ARID3A: variants seen among roughly 807,000 people sequenced by gnomAD.
The protein encoded by ARID3A is AT-rich interactive domain-containing protein 3A.
A neutral mutation model predicts 52.7 loss-of-function variants in ARID3A; 11 were observed. The observed-to-expected ratio is 0.21, with a 90% CI of 0.13 to 0.35. The LOEUF (loss-of-function observed/expected upper bound fraction) is 0.35. Among genes scored for constraint, ARID3A ranks in the 10% least tolerant of loss-of-function variants. The probability of loss-of-function intolerance (pLI) is 1.00; values close to 1 mark genes in which losing one functional copy is unlikely to be tolerated. For synonymous variants in ARID3A, 404 were observed against 359.4 expected, an observed-to-expected ratio of 1.12 and a Z score of -1.40; for missense variants, 721 against 838.5, an observed-to-expected ratio of 0.86 and a Z score of 1.73.
chr19:936,110 A>T (rs1477435332), intron 3 of ARID3A, among the ~76,000 whole-genome samples: 1 of 152,258 alleles, frequency 6.6e-6, no homozygotes, highest in Non-Finnish European at 1.5e-5. Flanking sequence ...TTTTACACGC[A>T]CAGGCGGTTA....
intron 3 of ARID3A, among the ~76,000 whole-genome samples, chr19:957,504 C>T (rs77505197): frequency 0.033 from 4,955 of 152,296 alleles, 178 homozygotes; most frequent in South Asian, 0.17. Flanking sequence ...CAGCGATTTG[C>T]TGTGTGAACT....
At chr19:962,714 C>T (rs886648703) in intron 4 of ARID3A, among the ~76,000 whole-genome samples, 8 of 152,086 alleles carry the variant, frequency 5.3e-5, no homozygotes, top group African/African-American at 1.9e-4. Context: ...AGGGTTTCTC[C>T]CTATTGGCCA....
rs143175638 is a variant in ARID3A at position 949,864 on chromosome 19, C to T, written c.694-10228C>T. Reference sequence around the variant, plus strand: ...CTAATTTTTGTATTTTTAGTAGAGACGGGGTTTCTCCATGTTGGCCAGGCT... The same window carrying T: ...CTAATTTTTGTATTTTTAGTAGAGATGGGGTTTCTCCATGTTGGCCAGGCT... On this transcript the variant is annotated intron_variant, in intron 3 of 8. Transcript: ENST00000263620. 4.5e-3 allele frequency among the ~76,000 whole-genome samples: 680 copies of T among 151,378 alleles called. 4 individuals carry two copies. The highest frequency in any genetic ancestry group is 0.016 in the African/African-American group (650 of 41,238).
Position 947,425 on chromosome 19 carries a change from G to A in ARID3A, c.694-12667G>A, listed in dbSNP as rs561943136. Among the ~76,000 whole-genome samples, 3 of 152,278 alleles carry A rather than the reference G, an allele frequency of 2.0e-5. No homozygotes were observed. The highest frequency in any genetic ancestry group is 7.2e-5 in the African/African-American group (3 of 41,560). On this transcript the variant is annotated intron_variant, in intron 3 of 8. Coordinates refer to ENST00000263620, the MANE Select transcript of ARID3A (RefSeq NM_005224.3). This position sits in a 1 kb window ranked among gnomAD's most constrained non-coding sequence, Gnocchi z 6.3. ...GCCACATCTCAGCACCAGGCCTGTC[G>A]CTGCCGTCCTGGACTCGTGGGCCTC... is the stretch of plus-strand genomic sequence containing the variant.
chr19:953,364 C>CGGCGCCACCACCCG (rs2037842560), intron 3 of ARID3A, among the ~76,000 whole-genome samples: 2 of 152,002 alleles, frequency 1.3e-5, no homozygotes, highest in African/African-American at 4.8e-5. Flanking sequence ...CCTCCCCCAC[C>CGGCGCCACCACCCG]GGCGCCACCA....
At chr19:968,131 C>A (rs1461516971) in intron 7 of ARID3A, among the ~76,000 whole-genome samples, 1 of 150,716 alleles carries the variant, frequency 6.6e-6, no homozygotes, top group Non-Finnish European at 1.5e-5. Flanking sequence ...GAGGCCGAGG[C>A]GGGTGGATCA....
intron 1 of ARID3A, among the ~76,000 whole-genome samples, chr19:928,005 G>A (rs946054803): frequency 1.6e-4 from 24 of 152,146 alleles, no homozygotes; most frequent in Non-Finnish European, 3.2e-4. Context: ...GGGGAGGCTT[G>A]GGGGTGTCTG....
intron 3 of ARID3A, among the ~76,000 whole-genome samples, chr19:950,264 G>T (rs349304): frequency 0.046 from 325 of 7,018 alleles, 48 homozygotes; most frequent in African/African-American, 0.17. Context: ...GTCCCCAGAG[G>T]GAACGGATGG....
Position 927,936 on chromosome 19 carries a change from G to A in ARID3A, c.-267-1326G>A, listed in dbSNP as rs867014170. The stretch of plus-strand genomic sequence containing the variant: ...TCACCCATGGGGCCGAAAGACTCAG[G>A]GGTCTGGGTAAAGGGTGTCTAGGGC... On this transcript the variant is annotated intron_variant, in intron 1 of 8. Transcript: ENST00000263620. 3.3e-5 allele frequency among the ~76,000 whole-genome samples: 5 copies of A among 150,766 alleles called. No individual in the cohort carries two copies. The South Asian group carries it at 6.3e-4, about 19-fold the overall frequency.
At chr19:965,912 A>C (rs1347782941) in intron 6 of ARID3A, among the ~76,000 whole-genome samples, 1 of 151,420 alleles carries the variant, frequency 6.6e-6, no homozygotes. Flanking sequence ...GAATCGCTTG[A>C]ACCCAGGTGG....
intron 6 of ARID3A, 190 bp downstream of exon 6, chr19:965,270 A>G: frequency 9.1e-6 from 6 of 657,236 alleles, no homozygotes; most frequent in Non-Finnish European, 1.5e-5. Context: ...CCATTTTCTA[A>G]TTCCACACAG....
intron 8 of ARID3A, among the ~76,000 whole-genome samples, chr19:969,250 A>G (rs2038227777): frequency 6.6e-6 from 1 of 152,084 alleles, no homozygotes; most frequent in Admixed American, 6.6e-5. Flanking sequence ...AAAAAATTGA[A>G]TCTAGGCTGG....
Position 966,799 on chromosome 19 carries a change from C to A in ARID3A, c.1426C>A (p.Arg476Ser). The A allele has an allele frequency of 6.2e-7, 1 of 1,613,680 alleles. No individual in the cohort carries two copies. Among genetic ancestry groups the A allele is most frequent in the Non-Finnish European group, 8.5e-7 (1 of 1,180,008 alleles). The change falls in exon 7 of 9, where the codon CGT becomes AGT. Residue 476 changes from arginine to serine, a missense_variant. Physicochemically the swap from Arg to Ser is moderately radical, Grantham distance 110. This residue lies in a region of ARID3A where 297 missense variants were observed against 343.2 expected (regional missense o/e 0.87). Transcript: ENST00000263620. ...CGATGAGCAGCAACGGCTGATGCAA[C>A]GTGCACTCCAGCAGAACTTCCTGGC... ...VADEQQRLMQ[R>S]ALQQNFLAMA...
At position 960,055 on chromosome 19, in the gene ARID3A, T is replaced by C. The variant is rs759317504; in HGVS notation, c.694-37T>C. 6.3e-7 allele frequency: 1 copy of C among 1,584,648 alleles called. No individual in the cohort carries two copies. The highest frequency in any genetic ancestry group is 8.6e-7 in the Non-Finnish European group (1 of 1,156,736). ...GGACATGGTTCCCACACCTGAGCTC[T>C]GGCACCAACTAACCCATCCCCTCTC... On this transcript the variant is annotated intron_variant, in intron 3 of 8. Transcript: ENST00000263620. This position sits in a 1 kb window ranked among gnomAD's most constrained non-coding sequence, Gnocchi z 4.3.
chr19:963,102 G>A (rs990608125), intron 4 of ARID3A, among the ~76,000 whole-genome samples: 14 of 152,156 alleles, frequency 9.2e-5, no homozygotes, highest in Admixed American at 4.6e-4. Flanking sequence ...CGGGGGTTCC[G>A]GGGGTAGCAG....
chr19:926,012 T>G (rs2037188139), upstream of ARID3A: 1 of 149,876 alleles, frequency 6.7e-6, no homozygotes, highest in Admixed American at 6.6e-5. Context: ...GGGGCGCCTC[T>G]TACCAATCGG....
intron 1 of ARID3A, among the ~76,000 whole-genome samples, chr19:926,957 C>T (rs1016815961): frequency 6.6e-6 from 1 of 151,732 alleles, no homozygotes; most frequent in Middle Eastern, 3.4e-3. Context: ...CTTCTTATTT[C>T]TTCTCCTTCT....
intron 4 of ARID3A, among the ~76,000 whole-genome samples, chr19:962,732 C>G (rs2038069951): frequency 6.6e-6 from 1 of 152,064 alleles, no homozygotes; most frequent in African/African-American, 2.4e-5. Context: ...CCAGGCTGGT[C>G]TCGAACTCCT....
chr19:937,706 T>C (rs1431499729), intron 3 of ARID3A, among the ~76,000 whole-genome samples: 1 of 131,932 alleles, frequency 7.6e-6, no homozygotes, highest in African/African-American at 3.3e-5. Context: ...CGACTTTTTT[T>C]TTTTTTTTTT....
Sources: allele counts gnomAD v4.1 joint callset (sites outside exome capture counted in the v4.1 genomes callset), GRCh38; gene constraint gnomAD v4.1.1; regional missense constraint gnomAD v4.1.1; non-coding constraint Gnocchi (gnomAD v3.1); transcripts MANE v1.5; gene names NCBI Gene and HGNC (gene_info 2026-07-23, HGNC 2026-07-21).